Variants in ALG14 observed in about 807,000 individuals in gnomAD.
ALG14 encodes ALG14 UDP-N-acetylglucosaminyltransferase subunit.
Under a neutral mutation model 22.8 loss-of-function variants are expected in ALG14, and 17 were observed. That is an observed-to-expected ratio of 0.75 (90% CI 0.51 to 1.12). The LOEUF (loss-of-function observed/expected upper bound fraction) is 1.12, where lower values mean the gene tolerates loss of function less well. Ranked by LOEUF, ALG14 falls within the 50% of genes most tolerant of loss-of-function variation. The pLI is 0.00. For synonymous variants in ALG14, 89 were observed against 103.7 expected, an observed-to-expected ratio of 0.86 and a Z score of 0.86; for missense variants, 288 against 271.8, an observed-to-expected ratio of 1.06 and a Z score of -0.42.
At chr1:95,064,491 A>G (rs1437212599) in intron 2 of ALG14, among the ~76,000 whole-genome samples, 1 of 152,162 alleles carries the variant, frequency 6.6e-6, no homozygotes, top group Non-Finnish European at 1.5e-5. Context: ...TTAACACGAA[A>G]GGATGTTGAA....
At chr1:95,041,609 G>A (rs1190845324) in intron 2 of ALG14, 1 of 142,266 alleles carries the variant, frequency 7.0e-6, no homozygotes, top group Non-Finnish European at 1.5e-5. Context: ...GTGAGACCCC[G>A]TCTCTTTAAA....
intron 2 of ALG14, among the ~76,000 whole-genome samples, chr1:95,042,187 A>G (rs1172846671): frequency 6.6e-6 from 1 of 152,076 alleles, no homozygotes; most frequent in African/African-American, 2.4e-5. Flanking sequence ...CCAAAAATCA[A>G]CCAATATCTC....
At chr1:95,020,928 T>C (rs1673643672) in intron 3 of ALG14, among the ~76,000 whole-genome samples, 1 of 152,182 alleles carries the variant, frequency 6.6e-6, no homozygotes, top group African/African-American at 2.4e-5. Flanking sequence ...GCTAATTTTA[T>C]GTTATGTGAA....
chr1:95,039,154 A>G (rs903182572), intron 2 of ALG14, among the ~76,000 whole-genome samples: 14 of 152,224 alleles, frequency 9.2e-5, no homozygotes, highest in African/African-American at 3.1e-4. Context: ...CAGAGGAAGC[A>G]GCGTGTTCAG....
intron 1 of ALG14, among the ~76,000 whole-genome samples, chr1:95,071,074 C>T (rs1412805491): frequency 6.6e-6 from 1 of 152,132 alleles, no homozygotes; most frequent in Non-Finnish European, 1.5e-5. Flanking sequence ...TTTAATCTCT[C>T]CTGTCCTCTC....
intron 3 of ALG14, among the ~76,000 whole-genome samples, chr1:94,993,676 G>A (rs997967317): frequency 6.6e-6 from 1 of 152,120 alleles, no homozygotes; most frequent in South Asian, 2.1e-4. Context: ...CTGATGACAC[G>A]ATGAATAAGC....
rs528169083 is a variant in ALG14 at position 95,059,860 on chromosome 1, C to G, written c.288+5006G>C. 1.8e-4 allele frequency among the ~76,000 whole-genome samples: 28 copies of G among 151,996 alleles called. No homozygotes were observed. The South Asian group carries it at 4.6e-3, about 25-fold the overall frequency. On this transcript the variant is annotated intron_variant, in intron 2 of 3. Coordinates refer to ENST00000370205, the MANE Select transcript of ALG14 (RefSeq NM_144988.4). ...CCACATATGGCTAGTGGCTACTATA[C>G]TGGACAGTGCAGGTCTAGATTGTTA...
chr1:95,070,942 T>C (rs1675541701), intron 1 of ALG14, among the ~76,000 whole-genome samples: 1 of 152,148 alleles, frequency 6.6e-6, no homozygotes, highest in Non-Finnish European at 1.5e-5. Flanking sequence ...GGTTTCACTA[T>C]GTTGCCCAGG....
At chr1:95,003,785 A>T (rs1033397990) in intron 3 of ALG14, among the ~76,000 whole-genome samples, 3 of 152,134 alleles carry the variant, frequency 2.0e-5, no homozygotes, top group Non-Finnish European at 4.4e-5. Flanking sequence ...GCACCAAAAA[A>T]GTTAGAGAGG....
At chr1:95,058,121 A>C (rs2100827158) in intron 2 of ALG14, among the ~76,000 whole-genome samples, 1 of 151,228 alleles carries the variant, frequency 6.6e-6, no homozygotes, top group South Asian at 2.1e-4. Context: ...ACCCGCCTCT[A>C]CTAAAAATAC....
intron 3 of ALG14, among the ~76,000 whole-genome samples, chr1:95,024,603 C>T (rs1043060523): frequency 6.6e-6 from 1 of 152,172 alleles, no homozygotes; most frequent in Admixed American, 6.5e-5. Flanking sequence ...ACTTGGTTTG[C>T]ATGACTTTTG....
chr1:94,978,016 G>A lies in ALG14; in HGVS notation c.*5060C>T, dbSNP rs375175574. On this transcript the variant is annotated 3_prime_UTR_variant, in exon 4 of 4. Coordinates refer to ENST00000370205, the MANE Select transcript of ALG14 (RefSeq NM_144988.4). ...AAAACGTTTGTGAAGCACTGGTCTA[G>A]ATAAAATATAACTGAAGTGAGCCTA... 3 of 151,794 alleles carry A rather than the reference G, an allele frequency of 2.0e-5. No individual in the cohort carries two copies. Among genetic ancestry groups the A allele is most frequent in the African/African-American group, 7.2e-5 (3 of 41,418 alleles). 9.4% of individuals were successfully genotyped at this position (151,794 alleles called of 1,614,324 possible).
chr1:95,064,326 G>C (rs1675275507), intron 2 of ALG14, among the ~76,000 whole-genome samples: 1 of 152,130 alleles, frequency 6.6e-6, no homozygotes, highest in Non-Finnish European at 1.5e-5. Context: ...TGTTGAATAG[G>C]AGTGGTGAGA....
At chr1:95,067,151 C>T (rs1675401185) in intron 1 of ALG14, 1 of 152,222 alleles carries the variant, frequency 6.6e-6, no homozygotes, top group South Asian at 2.1e-4. Context: ...TGCTCAATCG[C>T]CTGAAAACAA....
intron 3 of ALG14, among the ~76,000 whole-genome samples, chr1:95,019,402 A>G (rs761352245): frequency 2.6e-5 from 4 of 152,196 alleles, no homozygotes; most frequent in Non-Finnish European, 2.9e-5. Flanking sequence ...TGGATCTTTT[A>G]CATTCCTCAC....
chr1:95,020,239 T>C (rs749850072), intron 3 of ALG14, among the ~76,000 whole-genome samples: 2 of 150,968 alleles, frequency 1.3e-5, no homozygotes, highest in African/African-American at 2.4e-5. Flanking sequence ...TAAAAAATTA[T>C]ACAAGGAGAA....
At chr1:95,045,032 T>C (rs978514655) in intron 2 of ALG14, among the ~76,000 whole-genome samples, 1 of 152,162 alleles carries the variant, frequency 6.6e-6, no homozygotes, top group Non-Finnish European at 1.5e-5. Context: ...TGGGCCCATA[T>C]TGATCATTTC....
chr1:95,057,753 CG>C (rs1674987265), intron 2 of ALG14, among the ~76,000 whole-genome samples: 1 of 151,300 alleles, frequency 6.6e-6, no homozygotes, highest in Admixed American at 6.6e-5. Flanking sequence ...GAAGAAAGAT[CG>C]TAAGAGTCCA....
chr1:95,041,440 C>G (rs1674375800), intron 2 of ALG14: 1 of 151,924 alleles, frequency 6.6e-6, no homozygotes, highest in Non-Finnish European at 1.5e-5. Context: ...CAGCAAGACC[C>G]CATCTTTACA....
Sources: gnomAD v4.1 joint callset for allele counts (sites outside exome capture counted in the v4.1 genomes callset) on GRCh38, gnomAD v4.1.1 for gene constraint, MANE v1.5 for transcripts, NCBI Gene and HGNC (gene_info 2026-07-23, HGNC 2026-07-21) for gene names.